Variants in NDUFAF2 observed in about 807,000 individuals in gnomAD.
NDUFAF2 encodes the protein NADH dehydrogenase [ubiquinone] 1 alpha subcomplex assembly factor 2.
NDUFAF2 carries 13 observed loss-of-function variants against 22.8 expected under a neutral mutation model. The ratio of observed to expected loss-of-function variants is 0.57; its 90% CI spans 0.37 to 0.91. The LOEUF (loss-of-function observed/expected upper bound fraction) is 0.91, where lower values mean the gene tolerates loss of function less well. Ranked by LOEUF, NDUFAF2 falls within the 40% of genes least tolerant of loss-of-function variation. The pLI is 0.01. For synonymous variants in NDUFAF2, 53 were observed against 64.2 expected, an observed-to-expected ratio of 0.83 and a Z score of 0.84; for missense variants, 162 against 195.2, an observed-to-expected ratio of 0.83 and a Z score of 1.01.
chr5:60,978,047 G>A (rs1304014319), intron 1 of NDUFAF2, among the ~76,000 whole-genome samples: 1 of 152,146 alleles, frequency 6.6e-6, no homozygotes, highest in Non-Finnish European at 1.5e-5. Context: ...CCTGGTAGCA[G>A]CTGTGGGCCA....
intron 3 of NDUFAF2, among the ~76,000 whole-genome samples, chr5:61,122,927 C>G (rs1050761575): frequency 4.4e-4 from 67 of 152,110 alleles, no homozygotes; most frequent in African/African-American, 1.6e-3. Flanking sequence ...GGGGAATCAA[C>G]TTGGAAGTGT....
rs548669440 is a variant in NDUFAF2 at position 60,945,207 on chromosome 5, C to T, written c.-49C>T. Reference sequence around the variant, plus strand: ...GCTGGGTCGGCGGCTGGAGCATTACCCCTACTGCGGGTCCCGCTGCTGGCA... The same window carrying T: ...GCTGGGTCGGCGGCTGGAGCATTACTCCTACTGCGGGTCCCGCTGCTGGCA... On this transcript the variant is annotated 5_prime_UTR_variant, in exon 1 of 4. Transcript: ENST00000296597. 22 of 1,604,226 alleles carry T rather than the reference C, an allele frequency of 1.4e-5. No individual in the cohort carries two copies. The highest frequency in any genetic ancestry group is 1.5e-5 in the Non-Finnish European group (18 of 1,176,424).
chr5:61,036,208 A>T (rs1751798765), intron 1 of NDUFAF2, among the ~76,000 whole-genome samples: 1 of 152,164 alleles, frequency 6.6e-6, no homozygotes, highest in South Asian at 2.1e-4. Flanking sequence ...ACTGCAGGGG[A>T]GGCTGGGAAA....
intron 1 of NDUFAF2, among the ~76,000 whole-genome samples, chr5:60,959,748 T>C (rs1339612667): frequency 1.3e-5 from 2 of 152,146 alleles, no homozygotes; most frequent in African/African-American, 2.4e-5. Context: ...TTATACAGGT[T>C]GTCTCAGAGT....
At chr5:61,150,813 AT>A (rs1741224751) in intron 3 of NDUFAF2, among the ~76,000 whole-genome samples, 1 of 152,088 alleles carries the variant, frequency 6.6e-6, no homozygotes, top group South Asian at 2.1e-4. Flanking sequence ...AGGGACTTGA[AT>A]TTTTGTCTAC....
At chr5:61,076,867 G>A (rs768081971) in intron 2 of NDUFAF2, among the ~76,000 whole-genome samples, 2 of 152,156 alleles carry the variant, frequency 1.3e-5, no homozygotes, top group African/African-American at 2.4e-5. Flanking sequence ...GTTGCATTCC[G>A]GATCTGTGGT....
chr5:61,150,859 C>T (rs184920021), intron 3 of NDUFAF2, among the ~76,000 whole-genome samples: 27 of 152,150 alleles, frequency 1.8e-4, no homozygotes, highest in Admixed American at 1.5e-3. Context: ...GAGGAATTTC[C>T]TTTGTGATAC....
At chr5:61,120,645 T>C (rs1752964031) in intron 3 of NDUFAF2, among the ~76,000 whole-genome samples, 1 of 152,164 alleles carries the variant, frequency 6.6e-6, no homozygotes, top group African/African-American at 2.4e-5. Flanking sequence ...TTTTTAGATA[T>C]ACTCCTGCTC....
intron 1 of NDUFAF2, among the ~76,000 whole-genome samples, chr5:60,972,242 A>ATT (rs747590997): frequency 3.0e-5 from 4 of 133,298 alleles, no homozygotes; most frequent in Non-Finnish European, 4.9e-5. Flanking sequence ...TGCCTGGCCC[A>ATT]TTTTTTTTTT....
chr5:61,044,109 T>G (rs992706111), intron 1 of NDUFAF2, among the ~76,000 whole-genome samples: 2 of 152,196 alleles, frequency 1.3e-5, no homozygotes, highest in African/African-American at 4.8e-5. Context: ...TTATTAGTGA[T>G]TTTGAATATG....
chr5:61,058,018 T>A (rs1325331776), intron 1 of NDUFAF2, among the ~76,000 whole-genome samples: 1 of 152,198 alleles, frequency 6.6e-6, no homozygotes, highest in Non-Finnish European at 1.5e-5. Context: ...ATTATTCATA[T>A]TTAAAACTGC....
intron 2 of NDUFAF2, among the ~76,000 whole-genome samples, chr5:61,092,767 A>AG (rs34173403): frequency 6.6e-6 from 1 of 152,108 alleles, no homozygotes; most frequent in Non-Finnish European, 1.5e-5. Context: ...GTAGTGAGAG[A>AG]GGGCATCCTT....
chr5:61,084,584 T>C (rs1752483112), intron 2 of NDUFAF2, among the ~76,000 whole-genome samples: 1 of 152,230 alleles, frequency 6.6e-6, no homozygotes. Context: ...GACCTTTTTA[T>C]GTCTGGCTGA....
chr5:61,092,544 T>C (rs1288496070), intron 2 of NDUFAF2, among the ~76,000 whole-genome samples: 1 of 152,178 alleles, frequency 6.6e-6, no homozygotes, highest in Non-Finnish European at 1.5e-5. Context: ...CTAGCAATTT[T>C]TGCACATTGA....
chr5:60,993,940 T>C (rs898217277), intron 1 of NDUFAF2, among the ~76,000 whole-genome samples: 2 of 152,232 alleles, frequency 1.3e-5, no homozygotes, highest in African/African-American at 4.8e-5. Context: ...CTCCTGCCTT[T>C]AGGCCCTGCC....
At chr5:61,029,994 G>T (rs1751702218) in intron 1 of NDUFAF2, among the ~76,000 whole-genome samples, 1 of 152,250 alleles carries the variant, frequency 6.6e-6, no homozygotes, top group Admixed American at 6.5e-5. Flanking sequence ...GACCATGGAA[G>T]TAGTCTGTAT....
At chr5:60,991,733 G>T (rs970023951) in intron 1 of NDUFAF2, among the ~76,000 whole-genome samples, 1 of 151,736 alleles carries the variant, frequency 6.6e-6, no homozygotes, top group African/African-American at 2.4e-5. Context: ...CCAAATCTTG[G>T]CTATTGTAAA....
At chr5:61,104,911 A>T (rs1481035981) in intron 3 of NDUFAF2, among the ~76,000 whole-genome samples, 4 of 152,136 alleles carry the variant, frequency 2.6e-5, no homozygotes, top group Non-Finnish European at 1.5e-5. Context: ...AGCAATGGAA[A>T]CATTTAAAGA....
At chr5:60,960,019 A>T (rs1054963952) in intron 1 of NDUFAF2, among the ~76,000 whole-genome samples, 8 of 152,268 alleles carry the variant, frequency 5.3e-5, no homozygotes, top group East Asian at 1.9e-4. Context: ...CGTACCTGTC[A>T]GTTCTTTATG....
Sources: gnomAD v4.1 joint callset for allele counts (sites outside exome capture counted in the v4.1 genomes callset) on GRCh38, gnomAD v4.1.1 for gene constraint, MANE v1.5 for transcripts, NCBI Gene and HGNC (gene_info 2026-07-23, HGNC 2026-07-21) for gene names.